Variants in ITGA3 observed in about 807,000 individuals in gnomAD.
ITGA3 encodes the protein integrin subunit alpha 3.
ITGA3 carries 70 observed loss-of-function variants against 131.1 expected under a neutral mutation model. The ratio of observed to expected loss-of-function variants is 0.53; its 90% CI spans 0.44 to 0.65. The LOEUF (loss-of-function observed/expected upper bound fraction) is 0.65. Among genes scored for constraint, ITGA3 ranks in the 30% least tolerant of loss-of-function variants. ITGA3 has a pLI of 0.00. For synonymous variants in ITGA3, 537 were observed against 571.6 expected (o/e 0.94, Z 0.86); for missense variants, 1,098 against 1,388.6 (o/e 0.79, Z 3.33).
At chr17:50,088,580 C>A (rs1159128661) in intron 25 of ITGA3, among the ~76,000 whole-genome samples, 1 of 152,210 alleles carries the variant, frequency 6.6e-6, no homozygotes, top group African/African-American at 2.4e-5. Flanking sequence ...CTTGGGACCC[C>A]ATGAGGGAGG....
At position 50,074,018 on chromosome 17, in the gene ITGA3, G is replaced by T. The variant is rs779651025; in HGVS notation, c.1245+14G>T. ...CAGCCCCAGCAGGTACAGAGAGACG[G>T]GGATGGGTCTGCTGCCCCCACCAGC... On this transcript the variant is annotated intron_variant, in intron 8 of 25. Coordinates refer to ENST00000320031, the MANE Select transcript of ITGA3 (RefSeq NM_002204.4). 11 of 1,597,138 alleles carry T rather than the reference G, an allele frequency of 6.9e-6. No homozygotes were observed. In the South Asian group the frequency reaches 1.2e-4, roughly 18 times the overall value.
intron 1 of ITGA3, among the ~76,000 whole-genome samples, chr17:50,061,408 T>C (rs1227364869): frequency 6.6e-6 from 1 of 152,004 alleles, no homozygotes; most frequent in African/African-American, 2.4e-5. Context: ...ATGGAGACCC[T>C]TTTGCTCAGC....
chr17:50,057,476 C>T (rs1165461965), intron 1 of ITGA3, among the ~76,000 whole-genome samples: 1 of 152,224 alleles, frequency 6.6e-6, no homozygotes, highest in African/African-American at 2.4e-5. Flanking sequence ...GAGGAGGTTG[C>T]ACCCAGCCTC....
At chr17:50,075,371 T>C in intron 10 of ITGA3, 88 bp from the exon 11 acceptor site, 1 of 1,392,926 alleles carries the variant, frequency 7.2e-7, no homozygotes, top group Non-Finnish European at 1.0e-6. Context: ...AGGGCCTCGG[T>C]TTCCTTTTGC....
rs1908631119 is a variant in ITGA3 at position 50,071,482 on chromosome 17, G to T, written c.923G>T (p.Gly308Val). 6.2e-7 allele frequency: 1 copy of T among 1,611,824 alleles called. No individual in the cohort carries two copies. Among genetic ancestry groups the T allele is most frequent in the African/African-American group, 1.3e-5 (1 of 74,908 alleles). The change falls in exon 6 of 26, where the codon GGC becomes GTC. Residue 308 changes from glycine to valine, a missense_variant. Coordinates refer to ENST00000320031, the MANE Select transcript of ITGA3 (RefSeq NM_002204.4). Reference sequence around the variant, plus strand: ...GGCTCGCAGGTGGGCGCCTATTTTGGCAGCGCCATTGCCCTGGCAGACCTG... The same window carrying T: ...GGCTCGCAGGTGGGCGCCTATTTTGTCAGCGCCATTGCCCTGGCAGACCTG... ...LEGSQVGAYFGSAIALADLNN... is the reference protein window; with the variant it reads ...LEGSQVGAYFVSAIALADLNN...
intron 12 of ITGA3, 35 bp from the exon 13 acceptor site, chr17:50,076,291 T>C (rs201933336): frequency 1.2e-6 from 2 of 1,603,656 alleles, no homozygotes; most frequent in African/African-American, 1.3e-5. Flanking sequence ...CAGGGAGCAG[T>C]GCAGGGCCGG....
chr17:50,087,923 C>G, intron 24 of ITGA3, 54 bp downstream of exon 24: 2 of 1,501,418 alleles, frequency 1.3e-6, no homozygotes. Context: ...CACTCACCAG[C>G]CCTTCCTCCA....
Position 50,064,361 on chromosome 17 carries a change from G to C in ITGA3, c.334+157G>C. The C allele has an allele frequency of 8.8e-7, 1 of 1,139,712 alleles. No homozygotes were observed. The highest frequency in any genetic ancestry group is 1.2e-6 in the Non-Finnish European group (1 of 802,290). 70.6% of individuals were successfully genotyped at this position (1,139,712 alleles called of 1,614,324 possible). On this transcript the variant is annotated intron_variant, in intron 2 of 25. Transcript: ENST00000320031. This position sits in a 1 kb window ranked among gnomAD's most constrained non-coding sequence, Gnocchi z 4.4. ...GGGTGCCCTAGAGGAGAGTGGGGCT[G>C]GATGGGATTGGTAGAGCTCAGAATA... is the stretch of plus-strand genomic sequence containing the variant.
At chr17:50,074,084 CT>C (rs1567700412) in intron 8 of ITGA3, 59 bp from the exon 9 acceptor site, 4 of 1,555,048 alleles carry the variant, frequency 2.6e-6, no homozygotes, top group Non-Finnish European at 3.5e-6. Context: ...CAACCCTTCC[CT>C]GTAGCCCCCT....
At chr17:50,088,610 G>A (rs996383862) in intron 25 of ITGA3, among the ~76,000 whole-genome samples, 1 of 152,194 alleles carries the variant, frequency 6.6e-6, no homozygotes, top group Admixed American at 6.5e-5. Flanking sequence ...TCTCTGTGAT[G>A]ACCTTGCTTT....
At chr17:50,076,298 C>T in intron 12 of ITGA3, 28 bp from the exon 13 acceptor site, 1 of 1,606,868 alleles carries the variant, frequency 6.2e-7, no homozygotes, top group Middle Eastern at 1.7e-4. Flanking sequence ...CAGTGCAGGG[C>T]CGGGCTCAGC....
Position 50,068,512 on chromosome 17 carries a change from T to C in ITGA3, c.664+207T>C, listed in dbSNP as rs181813963. ...TTATGTCAATCAATCTTTTTTGTTG[T>C]TTTTTTGACATAGGGTCTCACTATG... On this transcript the variant is annotated intron_variant, in intron 4 of 25. Transcript: ENST00000320031. Among the ~76,000 whole-genome samples, 18 of 152,214 alleles carry C rather than the reference T, an allele frequency of 1.2e-4. No homozygotes were observed. In the East Asian group the frequency reaches 3.1e-3, roughly 26 times the overall value.
chr17:50,069,530 G>A (rs1201565933), intron 4 of ITGA3, among the ~76,000 whole-genome samples: 1 of 152,118 alleles, frequency 6.6e-6, no homozygotes, highest in African/African-American at 2.4e-5. Context: ...GCCAGGTGTG[G>A]TGGCACACAC....
At position 50,064,261 on chromosome 17, in the gene ITGA3, G is replaced by A. The variant is rs376754131; in HGVS notation, c.334+57G>A. 22 of 1,557,122 alleles carry A rather than the reference G, an allele frequency of 1.4e-5. No individual in the cohort carries two copies. Among genetic ancestry groups the A allele is most frequent in the East Asian group, 2.3e-5 (1 of 42,718 alleles). On this transcript the variant is annotated intron_variant, in intron 2 of 25. Transcript: ENST00000320031. The surrounding 1 kb of genome is among the most constrained non-coding windows in gnomAD (Gnocchi z 4.4). The stretch of plus-strand genomic sequence containing the variant: ...GTCAGAGGTCTGGCAGGGGGGTACC[G>A]CAGAGAGAATGGCCTGGAGGAGATA...
Position 50,089,804 on chromosome 17 carries a change from G to A in ITGA3, c.*726G>A, listed in dbSNP as rs766054462. ...GGGGATCCTGCCTAAGGTTGTCTAC[G>A]GGGGCACTTGGAGGACCTGGCGTGC... On this transcript the variant is annotated 3_prime_UTR_variant, in exon 26 of 26. Coordinates refer to ENST00000320031, the MANE Select transcript of ITGA3 (RefSeq NM_002204.4). 18 of 168,856 alleles carry A rather than the reference G, an allele frequency of 1.1e-4. 1 individual carries two copies. The South Asian group carries it at 1.5e-3, about 14-fold the overall frequency. 10.5% of individuals were successfully genotyped at this position (168,856 alleles called of 1,614,324 possible).
At chr17:50,071,679 A>C in intron 6 of ITGA3, 161 bp downstream of exon 6, 1 of 682,746 alleles carries the variant, frequency 1.5e-6, no homozygotes, top group Admixed American at 2.9e-5. Context: ...GAGCACCTGC[A>C]CATGGCATTT....
chr17:50,088,112 C>A, intron 24 of ITGA3, 113 bp from the exon 25 acceptor site: 1 of 1,397,234 alleles, frequency 7.2e-7, no homozygotes, highest in Non-Finnish European at 9.5e-7. Flanking sequence ...CAAGCTGGGA[C>A]TGAGCCCCAG....
intron 23 of ITGA3, chr17:50,087,331 C>G (rs1347751944): frequency 6.2e-6 from 1 of 160,790 alleles, no homozygotes; most frequent in African/African-American, 2.4e-5. Flanking sequence ...AATGTGGCTC[C>G]AGAACCCCTG....
At chr17:50,081,483 C>A in intron 23 of ITGA3, 75 bp downstream of exon 23, 1 of 1,053,146 alleles carries the variant, frequency 9.5e-7, no homozygotes, top group Non-Finnish European at 1.4e-6. Context: ...TAAGAGGACA[C>A]TGACGCACTT....
Sources: gnomAD v4.1 joint callset for allele counts (sites outside exome capture counted in the v4.1 genomes callset) on GRCh38, gnomAD v4.1.1 for gene constraint, Gnocchi (gnomAD v3.1) non-coding constraint, MANE v1.5 for transcripts, NCBI Gene and HGNC (gene_info 2026-07-23, HGNC 2026-07-21) for gene names.